CRMP1: variants seen among roughly 807,000 people sequenced by gnomAD.
CRMP1 encodes the protein collapsin response mediator protein 1, also known as dihydropyrimidinase-related protein 1.
A neutral mutation model predicts 68.3 loss-of-function variants in CRMP1; 19 were observed. The ratio of observed to expected loss-of-function variants is 0.28; its 90% CI spans 0.19 to 0.41. CRMP1 has a LOEUF of 0.41. Ranked by LOEUF, CRMP1 falls within the 10% of genes least tolerant of loss-of-function variation. CRMP1 has a pLI of 1.00. For missense variants in CRMP1, 791 were observed against 967.4 expected (o/e 0.82, Z 2.42); for synonymous variants, 439 against 399.6 (o/e 1.10, Z -1.18).
At position 5,888,350 on chromosome 4, in the gene CRMP1, G is replaced by A. The variant is rs1577855396; in HGVS notation, c.381+4239C>T. 1.6e-6 allele frequency: 2 copies of A among 1,232,928 alleles called. No homozygotes were observed. The highest frequency in any genetic ancestry group is 2.0e-6 in the Non-Finnish European group (2 of 984,596). The allele number at this position is 1,232,928 out of a possible 1,614,324, so 76.4% of individuals were successfully genotyped here. A position where few individuals can be genotyped will look rare whatever the true frequency, so the allele number is the denominator to read the frequency against. On this transcript the variant is annotated intron_variant, in intron 1 of 13. Coordinates refer to ENST00000324989, the MANE Select transcript of CRMP1 (RefSeq NM_001014809.3). The surrounding 1 kb of genome is among the most constrained non-coding windows in gnomAD (Gnocchi z 6.4). ...GGCGCTCTCGGCCCCGCTCCCAGCG[G>A]GCGCGCTGACAAAGGCCCGGGAGGG...
intron 6 of CRMP1, 109 bp downstream of exon 6, chr4:5,849,283 T>C (rs1712447682): frequency 3.4e-6 from 3 of 877,812 alleles, no homozygotes; most frequent in Non-Finnish European, 5.5e-6. Context: ...AGTTCCTGGC[T>C]TGACCTTTCA....
rs770457969 is a variant in CRMP1 at position 5,866,728 on chromosome 4, C to T, written c.410G>A (p.Arg137Gln). The change falls in exon 2 of 14, where the codon CGG (arginine) becomes CAG (glutamine). Residue 137 changes from arginine to glutamine, a missense_variant. By Grantham distance (43) the Arg-to-Gln change is conservative. This residue lies in a region of CRMP1 where 594 missense variants were observed against 763.6 expected (regional missense o/e 0.78). Coordinates refer to ENST00000324989, the MANE Select transcript of CRMP1 (RefSeq NM_001014809.3). The surrounding 1 kb of genome is among the most constrained non-coding windows in gnomAD (Gnocchi z 5.9). ...AAGGGATTGGTCATCGTTGATGATC[C>T]GTCCACCTTTGATGAGGAGTCGGTC... ...QSDRLLIKGG[R>Q]IINDDQSLYA... 7.4e-6 allele frequency: 12 copies of T among 1,612,462 alleles called. No homozygotes were observed. Among genetic ancestry groups the T allele is most frequent in the Admixed American group, 1.7e-5 (1 of 59,964 alleles).
At chr4:5,836,462 G>T (rs1406698937) in intron 10 of CRMP1, among the ~76,000 whole-genome samples, 2 of 152,188 alleles carry the variant, frequency 1.3e-5, no homozygotes, top group Non-Finnish European at 2.9e-5. Flanking sequence ...GTGTGCACAT[G>T]CACACACACA....
intron 10 of CRMP1, 127 bp from the exon 11 acceptor site, chr4:5,836,212 A>G: frequency 1.3e-6 from 1 of 794,878 alleles, no homozygotes; most frequent in East Asian, 3.2e-5. Context: ...TCTCCCAGCT[A>G]AAAACGTGCC....
Position 5,825,680 on chromosome 4 carries a change from T to A in CRMP1, c.1804-21A>T. 1 of 1,609,800 alleles carries A rather than the reference T, an allele frequency of 6.2e-7. No individual in the cohort carries two copies. Among genetic ancestry groups the A allele is most frequent in the Non-Finnish European group, 8.5e-7 (1 of 1,178,192 alleles). ...AAAACCTAAACAGAGGAAGGGAGAG[T>A]GTGATTGATCGACACTGTGCATGTG... is the stretch of plus-strand genomic sequence containing the variant. On this transcript the variant is annotated intron_variant, in intron 12 of 13. Coordinates refer to ENST00000324989, the MANE Select transcript of CRMP1 (RefSeq NM_001014809.3). This position sits in a 1 kb window ranked among gnomAD's most constrained non-coding sequence, Gnocchi z 4.4.
intron 1 of CRMP1, among the ~76,000 whole-genome samples, chr4:5,869,798 T>C (rs1156582138): frequency 6.6e-6 from 1 of 151,914 alleles, no homozygotes; most frequent in Non-Finnish European, 1.5e-5. Flanking sequence ...GTGGTACATC[T>C]GGGAGGTGGT....
chr4:5,853,156 T>C lies in CRMP1; in HGVS notation c.821-1687A>G, dbSNP rs1282829155. Among the ~76,000 whole-genome samples, 2 of 152,210 alleles carry C rather than the reference T, an allele frequency of 1.3e-5. No individual in the cohort carries two copies. The highest frequency in any genetic ancestry group is 2.4e-5 in the African/African-American group (1 of 41,458). The stretch of plus-strand genomic sequence containing the variant: ...AGGTGGGAGCAGTGGCTCACGCCTG[T>C]AATCCCAGCAATTTGGGAGGCCAAG... On this transcript the variant is annotated intron_variant, in intron 4 of 13. Coordinates refer to ENST00000324989, the MANE Select transcript of CRMP1 (RefSeq NM_001014809.3). This position sits in a 1 kb window ranked among gnomAD's most constrained non-coding sequence, Gnocchi z 4.7.
rs113603473 is a variant in CRMP1 at position 5,861,555 on chromosome 4, C to T, written c.471-345G>A. 5.9e-5 allele frequency among the ~76,000 whole-genome samples: 9 copies of T among 152,254 alleles called. No individual in the cohort carries two copies. The highest frequency in any genetic ancestry group is 2.2e-4 in the African/African-American group (9 of 41,536). On this transcript the variant is annotated intron_variant, in intron 2 of 13. Transcript: ENST00000324989. This position sits in a 1 kb window ranked among gnomAD's most constrained non-coding sequence, Gnocchi z 6.0. Reference sequence around the variant, plus strand: ...AGCCCAGCATGATGCATGTGCTGACCGTCATGTCTATTCTGATGTAACAGG... The same window carrying T: ...AGCCCAGCATGATGCATGTGCTGACTGTCATGTCTATTCTGATGTAACAGG...
chr4:5,844,705 A>G (rs1249889111), intron 6 of CRMP1, among the ~76,000 whole-genome samples: 2 of 152,216 alleles, frequency 1.3e-5, no homozygotes, highest in African/African-American at 4.8e-5. Context: ...AAAGCCCCTT[A>G]TGTGCCACTC....
rs1279671503 is a variant in CRMP1 at position 5,839,659 on chromosome 4, C to T, written c.1173G>A (p.Glu391=). ...ARKKGPLVFG[E]PIAASLGTDG... is the part of the protein sequence containing the mutation. ...CGGTCCCCAGGCTGGCGGCAATGGG[C>T]TCTCCAAAAACTAGGGGCCCTTAGG... The change falls in exon 9 of 14, where the codon GAG becomes GAA. Residue 391 remains glutamate (E), a synonymous_variant. Coordinates refer to ENST00000324989, the MANE Select transcript of CRMP1 (RefSeq NM_001014809.3). 1 of 1,612,442 alleles carries T rather than the reference C, an allele frequency of 6.2e-7. No individual in the cohort carries two copies. The highest frequency in any genetic ancestry group is 8.5e-7 in the Non-Finnish European group (1 of 1,179,452).
Position 5,856,127 on chromosome 4 carries a change from C to T in CRMP1, c.820+16G>A, listed in dbSNP as rs59697454. On this transcript the variant is annotated intron_variant, in intron 4 of 13. Transcript: ENST00000324989. Reference sequence around the variant, plus strand: ...CAAGGGATTCCCCAAAACCCCGTTCCGAGGCTTTAACTGACCTTTGTCCTG... The same window carrying T: ...CAAGGGATTCCCCAAAACCCCGTTCTGAGGCTTTAACTGACCTTTGTCCTG... 3.4e-3 allele frequency: 5,464 copies of T among 1,612,768 alleles called. 167 individuals are homozygous for T. In the African/African-American group the frequency reaches 0.063, roughly 19 times the overall value.
intron 3 of CRMP1, among the ~76,000 whole-genome samples, chr4:5,856,734 TCATCACTATCATCACCTCCACCAC>T (rs1713093517): frequency 6.6e-6 from 1 of 150,784 alleles, no homozygotes; most frequent in Non-Finnish European, 1.5e-5. Flanking sequence ...TCATTATCGC[TCATCACTATCATCACCTCCACCAC>T]CATCACTATC....
intron 1 of CRMP1, among the ~76,000 whole-genome samples, chr4:5,876,395 G>C (rs972115131): frequency 6.6e-6 from 1 of 152,072 alleles, no homozygotes; most frequent in African/African-American, 2.4e-5. Context: ...TGTCAACATA[G>C]GGTCTCAGAG....
chr4:5,852,989 G>A (rs970866602), intron 4 of CRMP1, among the ~76,000 whole-genome samples: 7 of 152,204 alleles, frequency 4.6e-5, no homozygotes, highest in African/African-American at 1.7e-4. Context: ...CAGGGGGCTG[G>A]GGCTCTGGGC....
rs1297464578 is a variant in CRMP1, at chr4:5,892,692, C to T, written c.278G>A (p.Gly93Asp). The change falls in exon 1 of 14, where the codon GGC (glycine) becomes GAC (aspartate). Residue 93 changes from glycine (G) to aspartate (D), a missense_variant. Coordinates refer to ENST00000324989, the MANE Select transcript of CRMP1 (RefSeq NM_001014809.3). The surrounding 1 kb of genome is among the most constrained non-coding windows in gnomAD (Gnocchi z 8.6). ...DTASDVSEPS[G>D]SAVSSPGERD... Reference sequence around the variant, plus strand: ...CTCTCCGGGAGAGCTGACCGCGGAGCCCGAGGGCTCGCTCACGTCGCTGGC... The same window carrying T: ...CTCTCCGGGAGAGCTGACCGCGGAGTCCGAGGGCTCGCTCACGTCGCTGGC... 8.2e-7 allele frequency: 1 copy of T among 1,222,396 alleles called. No individual in the cohort carries two copies. The highest frequency in any genetic ancestry group is 1.0e-6 in the Non-Finnish European group (1 of 981,446). 75.7% of individuals were successfully genotyped at this position (1,222,396 alleles called of 1,614,324 possible).
chr4:5,887,267 G>T, intron 1 of CRMP1: 1 of 832,642 alleles, frequency 1.2e-6, no homozygotes, highest in Non-Finnish European at 1.4e-6. Flanking sequence ...CGACTGTCCA[G>T]GAGCCTGAAT....
At chr4:5,871,474 C>T (rs960643049) in intron 1 of CRMP1, among the ~76,000 whole-genome samples, 7 of 152,114 alleles carry the variant, frequency 4.6e-5, no homozygotes, top group Non-Finnish European at 8.8e-5. Flanking sequence ...TCCTGGCTAA[C>T]ATGGTGAAAC....
chr4:5,825,223 G>C lies in CRMP1; in HGVS notation c.1969+271C>G, dbSNP rs574617063. Reference sequence around the variant, plus strand: ...TGAAAGTGTCCCCAAATGTGTGTAAGGATGAGCACTGGGACAATTTTGGTA... The same window carrying C: ...TGAAAGTGTCCCCAAATGTGTGTAACGATGAGCACTGGGACAATTTTGGTA... On this transcript the variant is annotated intron_variant, in intron 13 of 13. Transcript: ENST00000324989. This position sits in a 1 kb window ranked among gnomAD's most constrained non-coding sequence, Gnocchi z 4.4. 1.0e-6 allele frequency: 1 copy of C among 985,332 alleles called. No individual in the cohort carries two copies. 61.0% of individuals were successfully genotyped at this position (985,332 alleles called of 1,614,324 possible).
chr4:5,892,906 C>A lies in CRMP1; in HGVS notation c.64G>T (p.Gly22Cys). Residue 22 changes from glycine (G) to cysteine (C), a missense_variant, in exon 1 of 14, where the codon GGC (glycine) becomes TGC (cysteine). Coordinates refer to ENST00000324989, the MANE Select transcript of CRMP1 (RefSeq NM_001014809.3). This position sits in a 1 kb window ranked among gnomAD's most constrained non-coding sequence, Gnocchi z 8.6. ...DDLPVYLARP[G>C]SAAQTPRQKY... is the part of the protein sequence containing the mutation. Reference sequence around the variant, plus strand: ...TGGCGCGGGGTCTGCGCCGCGCTGCCCGGCCGCGCCAGGTACACGGGCAGG... The same window carrying A: ...TGGCGCGGGGTCTGCGCCGCGCTGCACGGCCGCGCCAGGTACACGGGCAGG... 7.3e-7 allele frequency: 1 copy of A among 1,360,812 alleles called. No homozygotes were observed. The highest frequency in any genetic ancestry group is 1.6e-5 in the South Asian group (1 of 63,050). 84.3% of individuals were successfully genotyped at this position (1,360,812 alleles called of 1,614,324 possible).
Sources: allele counts gnomAD v4.1 joint callset (sites outside exome capture counted in the v4.1 genomes callset), GRCh38; gene constraint gnomAD v4.1.1; regional missense constraint gnomAD v4.1.1; non-coding constraint Gnocchi (gnomAD v3.1); transcripts MANE v1.5; gene names NCBI Gene and HGNC (gene_info 2026-07-23, HGNC 2026-07-21).